PCDHGA8: variants seen among roughly 807,000 people sequenced by gnomAD.
PCDHGA8 encodes protocadherin gamma subfamily A, 8, also known as protocadherin gamma-A8.
A neutral mutation model predicts 59.2 loss-of-function variants in PCDHGA8; 45 were observed. The ratio of observed to expected loss-of-function variants is 0.76; its 90% CI spans 0.60 to 0.98. PCDHGA8 has a LOEUF of 0.98. PCDHGA8 is among the 50% of genes least tolerant of loss of function. The pLI, the probability that PCDHGA8 is intolerant of heterozygous loss-of-function variation, is 0.00. For missense variants in PCDHGA8, 1,257 were observed against 1,196.2 expected, an observed-to-expected ratio of 1.05 and a Z score of -0.75; for synonymous variants, 531 against 519.0, an observed-to-expected ratio of 1.02 and a Z score of -0.32.
intron 1 of PCDHGA8, chr5:141,423,595 G>A: frequency 6.2e-7 from 1 of 1,613,216 alleles, no homozygotes; most frequent in Non-Finnish European, 8.5e-7. Flanking sequence ...TGAGAAAAGC[G>A]AGCCACTCTT....
chr5:141,511,793 G>A lies in PCDHGA8; in HGVS notation c.*620G>A, dbSNP rs2099883948. The stretch of plus-strand genomic sequence containing the variant: ...TACTGATGCTTGCTGGATTTAGGGA[G>A]GGCATTTTGCTACCAAGCCTCTTCC... On this transcript the variant is annotated 3_prime_UTR_variant, in exon 4 of 4. Coordinates refer to ENST00000398604, the MANE Select transcript of PCDHGA8 (RefSeq NM_032088.2). 6.4e-6 allele frequency: 1 copy of A among 157,066 alleles called. No homozygotes were observed. The highest frequency in any genetic ancestry group is 2.4e-5 in the African/African-American group (1 of 41,492). 9.7% of individuals were successfully genotyped at this position (157,066 alleles called of 1,614,324 possible). A position where few individuals can be genotyped will look rare whatever the true frequency, so the allele number is the denominator to read the frequency against.
In PCDHGA8 at chr5:141,476,303, G is replaced by T. The variant is rs747567754; in HGVS notation, c.2425-18504G>T. ...TGGTTTGGATCTCGGTAGCCTCTCA[G>T]CCCGCAGGTTCCGGGTGGTGTCTGG... is the stretch of plus-strand genomic sequence containing the variant. On this transcript the variant is annotated intron_variant, in intron 1 of 3. Coordinates refer to ENST00000398604, the MANE Select transcript of PCDHGA8 (RefSeq NM_032088.2). The surrounding 1 kb of genome is among the most constrained non-coding windows in gnomAD (Gnocchi z 7.6). 6.2e-7 allele frequency: 1 copy of T among 1,613,872 alleles called. No individual in the cohort carries two copies. Among genetic ancestry groups the T allele is most frequent in the Admixed American group, 1.7e-5 (1 of 60,000 alleles).
intron 1 of PCDHGA8, among the ~76,000 whole-genome samples, chr5:141,443,829 A>G (rs1387307023): frequency 6.6e-6 from 1 of 152,228 alleles, no homozygotes; most frequent in Non-Finnish European, 1.5e-5. Flanking sequence ...ATAATTAGGT[A>G]AAATGGGTAA....
rs749095017 is a variant in PCDHGA8, at chr5:141,489,455, G to A, written c.2425-5352G>A. 1 of 1,614,042 alleles carries A rather than the reference G, an allele frequency of 6.2e-7. No homozygotes were observed. ...CTGCAATTGGGCTCTGAGGAGAATGGGCGCTATTTTTCCCTGAGCTTGATG... is the reference window on the plus strand; with the variant it reads ...CTGCAATTGGGCTCTGAGGAGAATGAGCGCTATTTTTCCCTGAGCTTGATG... On this transcript the variant is annotated intron_variant, in intron 1 of 3. Coordinates refer to ENST00000398604, the MANE Select transcript of PCDHGA8 (RefSeq NM_032088.2). This position sits in a 1 kb window ranked among gnomAD's most constrained non-coding sequence, Gnocchi z 4.5.
chr5:141,462,656 A>G (rs1427673992), intron 1 of PCDHGA8, among the ~76,000 whole-genome samples: 2 of 151,950 alleles, frequency 1.3e-5, no homozygotes, highest in African/African-American at 4.8e-5. Context: ...ATCCTCAATT[A>G]TCTTCATATT....
intron 1 of PCDHGA8, among the ~76,000 whole-genome samples, chr5:141,430,380 TG>T (rs1376875091): frequency 6.8e-6 from 1 of 147,890 alleles, no homozygotes; most frequent in Non-Finnish European, 1.5e-5. Flanking sequence ...AAAAGCTCAT[TG>T]GGAAAAAAAA....
intron 1 of PCDHGA8, chr5:141,400,128 G>A: frequency 6.2e-7 from 1 of 1,614,080 alleles, no homozygotes; most frequent in South Asian, 1.1e-5. Flanking sequence ...TGCAGGAGGT[G>A]CTGCCGGATA....
At chr5:141,475,571 G>A (rs1426547386) in intron 1 of PCDHGA8, among the ~76,000 whole-genome samples, 1 of 152,212 alleles carries the variant, frequency 6.6e-6, no homozygotes, top group East Asian at 1.9e-4. Context: ...CTTCCAACAA[G>A]CCAGATTTGT....
chr5:141,430,637 G>A (rs2097298854), intron 1 of PCDHGA8: 1 of 890,676 alleles, frequency 1.1e-6, no homozygotes, highest in Admixed American at 2.8e-5. Context: ...ACCATCCCTG[G>A]GAGTATGTGG....
Position 141,422,492 on chromosome 5 carries a change from C to T in PCDHGA8, c.2424+27255C>T, listed in dbSNP as rs747903569. 2.5e-6 allele frequency: 4 copies of T among 1,613,934 alleles called. No homozygotes were observed. The East Asian group carries it at 6.7e-5, about 27-fold the overall frequency. ...GAGTTGGTCCAGAGCTACAATATAA[C>T]GTTGACAGCCACAGACCAGGGAAGC... On this transcript the variant is annotated intron_variant, in intron 1 of 3. Coordinates refer to ENST00000398604, the MANE Select transcript of PCDHGA8 (RefSeq NM_032088.2).
chr5:141,449,854 T>C (rs769118919), intron 1 of PCDHGA8, among the ~76,000 whole-genome samples: 7 of 151,974 alleles, frequency 4.6e-5, no homozygotes, highest in South Asian at 4.1e-4. Context: ...ATTTTAATAA[T>C]AAAAATCAGA....
Position 141,423,275 on chromosome 5 carries a change from C to T in PCDHGA8, c.2424+28038C>T. 1.2e-6 allele frequency: 2 copies of T among 1,614,012 alleles called. No homozygotes were observed. The highest frequency in any genetic ancestry group is 1.7e-6 in the Non-Finnish European group (2 of 1,179,970). ...GACCTCGGCAGCCTCGAGTCTCTGGCTAACTCTGAAACCTCAGACCTCTCG... is the reference window on the plus strand; with the variant it reads ...GACCTCGGCAGCCTCGAGTCTCTGGTTAACTCTGAAACCTCAGACCTCTCG... On this transcript the variant is annotated intron_variant, in intron 1 of 3. Transcript: ENST00000398604.
At chr5:141,495,292 C>T (rs74321313) in intron 2 of PCDHGA8, among the ~76,000 whole-genome samples, 8,567 of 152,256 alleles carry the variant, frequency 0.056, 526 homozygotes, top group African/African-American at 0.16. Context: ...CCGCACTCAG[C>T]GCCTCCTCCA....
rs775104626 is a variant in PCDHGA8, at chr5:141,486,636, C to T, written c.2425-8171C>T. On this transcript the variant is annotated intron_variant, in intron 1 of 3. Transcript: ENST00000398604. This position sits in a 1 kb window ranked among gnomAD's most constrained non-coding sequence, Gnocchi z 5.0. ...TCTGACCCAGACTCTGGCTTGAATG[C>T]GCTTATCTCCTACTCACTCCTGGAG... 7 of 1,613,540 alleles carry T rather than the reference C, an allele frequency of 4.3e-6. No individual in the cohort carries two copies. The highest frequency in any genetic ancestry group is 1.3e-5 in the African/African-American group (1 of 74,926).
intron 1 of PCDHGA8, chr5:141,427,723 G>T: frequency 8.9e-7 from 1 of 1,127,490 alleles, no homozygotes; most frequent in East Asian, 2.4e-5. Flanking sequence ...CTGGACCTAG[G>T]GCTGAATGGC....
chr5:141,399,708 A>G lies in PCDHGA8; in HGVS notation c.2424+4471A>G, dbSNP rs769072460. On this transcript the variant is annotated intron_variant, in intron 1 of 3. Transcript: ENST00000398604. ...AGCAGCTGCGCACCTTCGAACTCAC[A>G]CTACAGGCCCGCGACCAGGGCTCGC... 5.6e-6 allele frequency: 9 copies of G among 1,613,256 alleles called. No homozygotes were observed. In the African/African-American group the frequency reaches 8.0e-5, roughly 14 times the overall value.
intron 2 of PCDHGA8, among the ~76,000 whole-genome samples, chr5:141,500,333 A>G (rs1237684682): frequency 6.6e-6 from 1 of 151,336 alleles, no homozygotes; most frequent in Non-Finnish European, 1.5e-5. Context: ...CTCAGCCTCC[A>G]GAATAGCTGG....
At chr5:141,420,382 C>CA (rs1414569792) in intron 1 of PCDHGA8, 5 of 1,300,530 alleles carry the variant, frequency 3.8e-6, no homozygotes, top group Non-Finnish European at 5.1e-6. Flanking sequence ...ATAGAGTTCG[C>CA]AAAATATAGG....
At chr5:141,444,056 A>G (rs1055292734) in intron 1 of PCDHGA8, among the ~76,000 whole-genome samples, 7 of 151,740 alleles carry the variant, frequency 4.6e-5, no homozygotes, top group Non-Finnish European at 7.4e-5. Context: ...GGCATCTTCA[A>G]TCTAGATTCT....
Sources: gnomAD v4.1 joint callset for allele counts (sites outside exome capture counted in the v4.1 genomes callset) on GRCh38, gnomAD v4.1.1 for gene constraint, Gnocchi (gnomAD v3.1) non-coding constraint, MANE v1.5 for transcripts, NCBI Gene and HGNC (gene_info 2026-07-23, HGNC 2026-07-21) for gene names.